The following PPP6R2 variants were observed in gnomAD, a reference collection of about 807,000 sequenced individuals.
PPP6R2 encodes protein phosphatase 6 regulatory subunit 2.
PPP6R2 carries 62 observed loss-of-function variants against 100.2 expected under a neutral mutation model. That is an observed-to-expected ratio of 0.62 (90% confidence interval 0.50 to 0.76). PPP6R2 has a LOEUF of 0.76. PPP6R2 is among the 30% of genes least tolerant of loss of function. The pLI is 0.00. For missense variants in PPP6R2, 1,142 were observed against 1,276.3 expected (o/e 0.89, Z 1.60); for synonymous variants, 525 against 514.7 (o/e 1.02, Z -0.27).
chr22:50,368,657 C>G (rs910480598), intron 1 of PPP6R2, among the ~76,000 whole-genome samples: 1 of 152,032 alleles, frequency 6.6e-6, no homozygotes, highest in Non-Finnish European at 1.5e-5. Context: ...TGCCTTGGCA[C>G]CTGGGTAGCT....
intron 2 of PPP6R2, among the ~76,000 whole-genome samples, chr22:50,382,631 T>C (rs2053360688): frequency 6.6e-6 from 1 of 152,014 alleles, no homozygotes; most frequent in Non-Finnish European, 1.5e-5. Context: ...AAATAAAAGA[T>C]GTGTAAAACC....
intron 1 of PPP6R2, among the ~76,000 whole-genome samples, chr22:50,370,452 T>C (rs979257323): frequency 4.6e-5 from 7 of 150,588 alleles, no homozygotes; most frequent in Admixed American, 2.0e-4. Flanking sequence ...CACGCCCAGC[T>C]AATTTTTTGT....
chr22:50,438,132 C>A, intron 17 of PPP6R2, 42 bp from the exon 18 acceptor site: 1 of 1,590,202 alleles, frequency 6.3e-7, no homozygotes, highest in South Asian at 1.2e-5. Flanking sequence ...TCCTGTCTCC[C>A]CCAGACCCTC....
intron 19 of PPP6R2, 59 bp downstream of exon 19, chr22:50,438,821 G>T: frequency 6.7e-7 from 1 of 1,481,920 alleles, no homozygotes; most frequent in Non-Finnish European, 9.1e-7. Context: ...ATGGTACCCC[G>T]GCCTGGGTGT....
At chr22:50,407,648 G>T (rs925510677) in intron 4 of PPP6R2, 3 of 152,368 alleles carry the variant, frequency 2.0e-5, no homozygotes, top group African/African-American at 4.8e-5. Flanking sequence ...CTGTAACGGG[G>T]TCTTCCTGGA....
chr22:50,398,632 C>T lies in PPP6R2; in HGVS notation c.227+4497C>T, dbSNP rs565924201. Among the ~76,000 whole-genome samples, 133 of 151,366 alleles carry T rather than the reference C, an allele frequency of 8.8e-4. 1 individual carries two copies. Among genetic ancestry groups the T allele is most frequent in the Middle Eastern group, 6.9e-3 (2 of 290 alleles). Reference sequence around the variant, plus strand: ...CTGGGTTCAAGCAGTTCTCCTACCTCGGTCTCCTTAGTAGCTGGGACTACA... The same window carrying T: ...CTGGGTTCAAGCAGTTCTCCTACCTTGGTCTCCTTAGTAGCTGGGACTACA... On this transcript the variant is annotated intron_variant, in intron 3 of 23. Transcript: ENST00000612753.
intron 14 of PPP6R2, 31 bp from the exon 15 acceptor site, chr22:50,436,957 A>T: frequency 6.5e-7 from 1 of 1,537,016 alleles, no homozygotes; most frequent in Non-Finnish European, 8.8e-7. Context: ...GGGCTGGCTC[A>T]CACGCCCACC....
intron 2 of PPP6R2, among the ~76,000 whole-genome samples, chr22:50,382,545 A>T (rs1024970247): frequency 5.3e-5 from 8 of 152,160 alleles, no homozygotes; most frequent in Non-Finnish European, 1.0e-4. Context: ...TTCAAACAAA[A>T]ATAAATTACA....
chr22:50,425,534 A>G (rs1271373080), intron 10 of PPP6R2, among the ~76,000 whole-genome samples: 1 of 152,228 alleles, frequency 6.6e-6, no homozygotes, highest in Non-Finnish European at 1.5e-5. Context: ...ATAAATACCT[A>G]TGAGGCCAGG....
chr22:50,347,153 C>T (rs1214424050), intron 1 of PPP6R2, among the ~76,000 whole-genome samples: 1 of 152,020 alleles, frequency 6.6e-6, no homozygotes, highest in Non-Finnish European at 1.5e-5. Context: ...TCAGATCCTC[C>T]CCATCAGTTC....
intron 1 of PPP6R2, among the ~76,000 whole-genome samples, chr22:50,347,798 C>T (rs1269016874): frequency 6.6e-6 from 1 of 152,162 alleles, no homozygotes; most frequent in Non-Finnish European, 1.5e-5. Flanking sequence ...CTTGGCTTCT[C>T]CTTGCCCCTG....
At chr22:50,426,455 G>GAA (rs1430849568) in intron 10 of PPP6R2, among the ~76,000 whole-genome samples, 6 of 152,068 alleles carry the variant, frequency 3.9e-5, no homozygotes, top group Admixed American at 3.9e-4. Flanking sequence ...AATCCATTTT[G>GAA]AATTAATTTT....
intron 2 of PPP6R2, among the ~76,000 whole-genome samples, chr22:50,391,001 A>G (rs1245613973): frequency 6.6e-6 from 1 of 150,434 alleles, no homozygotes; most frequent in Non-Finnish European, 1.5e-5. Flanking sequence ...TCCGTCTCAA[A>G]AAAAAAAAAA....
the PPP6R2 span, among the ~76,000 whole-genome samples, chr22:50,337,938 ATG>A: frequency 5.5e-5 from 4 of 72,804 alleles, no homozygotes; most frequent in African/African-American, 1.7e-4. Context: ...GGGTGTGTGC[ATG>A]TGTGTGTGAT....
intron 4 of PPP6R2, among the ~76,000 whole-genome samples, chr22:50,413,175 G>A (rs1021382808): frequency 2.0e-5 from 3 of 149,868 alleles, no homozygotes; most frequent in Non-Finnish European, 4.4e-5. Flanking sequence ...GGCTGGTCTC[G>A]ACCTCAGTCT....
chr22:50,348,437 G>T (rs2044246078), intron 1 of PPP6R2, among the ~76,000 whole-genome samples: 1 of 152,142 alleles, frequency 6.6e-6, no homozygotes, highest in African/African-American at 2.4e-5. Context: ...GTGAGAGAAT[G>T]AATGGACTCA....
At chr22:50,392,358 AC>A in intron 2 of PPP6R2, among the ~76,000 whole-genome samples, 1 of 147,188 alleles carries the variant, frequency 6.8e-6, no homozygotes, top group East Asian at 2.0e-4. Context: ...AAAAAAAAAA[AC>A]CCACCCCAAA....
At chr22:50,352,419 C>G (rs1164937667) in intron 1 of PPP6R2, among the ~76,000 whole-genome samples, 2 of 152,130 alleles carry the variant, frequency 1.3e-5, no homozygotes, top group Admixed American at 1.3e-4. Context: ...GTTTCGTCTT[C>G]TCTCCAAACC....
chr22:50,353,135 A>C (rs1289670300), intron 1 of PPP6R2, among the ~76,000 whole-genome samples: 9 of 152,200 alleles, frequency 5.9e-5, no homozygotes, highest in Admixed American at 5.9e-4. Context: ...TCTTCACTGG[A>C]GTAGCAGTTT....
Sources: gnomAD v4.1 joint callset for allele counts (sites outside exome capture counted in the v4.1 genomes callset) on GRCh38, gnomAD v4.1.1 for gene constraint, MANE v1.5 for transcripts, NCBI Gene and HGNC (gene_info 2026-07-23, HGNC 2026-07-21) for gene names.